Variants in SCHIP1 observed in about 807,000 individuals in gnomAD.
SCHIP1 encodes the protein schwannomin interacting protein 1.
In SCHIP1, 8 loss-of-function variants were observed where a neutral mutation model predicts 29.7. That is an observed-to-expected ratio of 0.27 (90% CI 0.16 to 0.49). The LOEUF (loss-of-function observed/expected upper bound fraction) is 0.49. Ranked by LOEUF, SCHIP1 falls within the 20% of genes least tolerant of loss-of-function variation. The probability of loss-of-function intolerance (pLI) is 0.99; values close to 1 mark genes in which losing one functional copy is unlikely to be tolerated. For missense variants in SCHIP1, 193 were observed against 294.6 expected (o/e 0.66, Z 2.52); for synonymous variants, 76 against 94.9 (o/e 0.80, Z 1.16).
the SCHIP1 span, among the ~76,000 whole-genome samples, chr3:159,555,631 T>C: frequency 6.6e-6 from 1 of 152,184 alleles, no homozygotes; most frequent in Non-Finnish European, 1.5e-5. Flanking sequence ...GGGAGTCAGG[T>C]ATGATTTTTT....
the SCHIP1 span, among the ~76,000 whole-genome samples, chr3:159,628,317 C>G: frequency 6.6e-6 from 1 of 152,250 alleles, no homozygotes; most frequent in Admixed American, 6.5e-5. Context: ...TCCTGTCTGA[C>G]AGAATATATT....
chr3:159,304,118 T>C, the SCHIP1 span, among the ~76,000 whole-genome samples: 1 of 151,612 alleles, frequency 6.6e-6, no homozygotes, highest in African/African-American at 2.4e-5. Context: ...CGGTGTTTGG[T>C]TTTTTGTTCT....
At chr3:159,789,394 C>T in the SCHIP1 span, among the ~76,000 whole-genome samples, 1 of 152,096 alleles carries the variant, frequency 6.6e-6, no homozygotes. Context: ...TTAATCACAT[C>T]GAAAGCACAC....
the SCHIP1 span, among the ~76,000 whole-genome samples, chr3:159,661,262 C>T: frequency 1.3e-5 from 2 of 152,144 alleles, no homozygotes; most frequent in Non-Finnish European, 2.9e-5. Flanking sequence ...TGTTTATTTA[C>T]ACCATGTAAC....
At chr3:159,627,005 T>C in the SCHIP1 span, among the ~76,000 whole-genome samples, 3 of 152,140 alleles carry the variant, frequency 2.0e-5, 1 homozygote, top group South Asian at 6.2e-4. Flanking sequence ...GTGCATTAGG[T>C]ATTTGTTCTA....
chr3:159,681,950 G>A, the SCHIP1 span, among the ~76,000 whole-genome samples: 15 of 151,994 alleles, frequency 9.9e-5, 1 homozygote, highest in Admixed American at 6.5e-4. Context: ...TTAACTCAAT[G>A]TTAACTTAGG....
the SCHIP1 span, among the ~76,000 whole-genome samples, chr3:159,612,856 G>A: frequency 3.3e-5 from 5 of 152,204 alleles, no homozygotes; most frequent in Non-Finnish European, 7.3e-5. Context: ...TCTTTCAGAT[G>A]AAGATGTTGA....
the SCHIP1 span, among the ~76,000 whole-genome samples, chr3:159,685,388 A>G: frequency 6.6e-6 from 1 of 152,226 alleles, no homozygotes; most frequent in Non-Finnish European, 1.5e-5. Flanking sequence ...GCTATTTAAA[A>G]AACAATTATG....
At chr3:159,803,578 G>A in the SCHIP1 span, among the ~76,000 whole-genome samples, 1 of 152,146 alleles carries the variant, frequency 6.6e-6, no homozygotes, top group Non-Finnish European at 1.5e-5. Context: ...CATGCACTAA[G>A]TCCAAACCTG....
At chr3:159,852,099 T>A (rs1712722833) in intron 1 of SCHIP1, among the ~76,000 whole-genome samples, 1 of 152,210 alleles carries the variant, frequency 6.6e-6, no homozygotes, top group Non-Finnish European at 1.5e-5. Flanking sequence ...ATTGAATTTT[T>A]AAAAAATGTG....
At chr3:159,518,919 T>C in the SCHIP1 span, among the ~76,000 whole-genome samples, 1 of 152,100 alleles carries the variant, frequency 6.6e-6, no homozygotes, top group Non-Finnish European at 1.5e-5. Context: ...GAGACCCAAA[T>C]AAAAATTAGG....
chr3:159,801,103 C>T, the SCHIP1 span, among the ~76,000 whole-genome samples: 2 of 152,010 alleles, frequency 1.3e-5, no homozygotes, highest in African/African-American at 4.8e-5. Flanking sequence ...GTCCTGGGTC[C>T]TTTAGTCTCT....
At chr3:159,791,055 G>A in the SCHIP1 span, among the ~76,000 whole-genome samples, 1 of 152,098 alleles carries the variant, frequency 6.6e-6, no homozygotes, top group African/African-American at 2.4e-5. Context: ...TGCCTGCCTT[G>A]GACTTCTTAT....
At chr3:159,737,498 TCTATATAATA>T in the SCHIP1 span, among the ~76,000 whole-genome samples, 1 of 152,198 alleles carries the variant, frequency 6.6e-6, no homozygotes, top group Non-Finnish European at 1.5e-5. Context: ...CTCTTGCCTT[TCTATATAATA>T]CCTCTTCCAT....
chr3:159,368,651 A>C, the SCHIP1 span, among the ~76,000 whole-genome samples: 1 of 152,166 alleles, frequency 6.6e-6, no homozygotes, highest in Non-Finnish European at 1.5e-5. Context: ...AGTAACATTA[A>C]AAACTATTTT....
At chr3:159,411,302 A>G in the SCHIP1 span, among the ~76,000 whole-genome samples, 32 of 152,140 alleles carry the variant, frequency 2.1e-4, no homozygotes, top group African/African-American at 7.7e-4. Flanking sequence ...TGTAACACAA[A>G]GAAAGGATAA....
At chr3:159,736,999 G>T in the SCHIP1 span, among the ~76,000 whole-genome samples, 4 of 152,186 alleles carry the variant, frequency 2.6e-5, no homozygotes, top group African/African-American at 9.6e-5. Context: ...CTCCCAAAGT[G>T]CTGGGATTAC....
At chr3:159,897,090 T>G (rs1718123269) in exon 7 of SCHIP1, 1 of 198,448 alleles carries the variant, frequency 5.0e-6, no homozygotes, top group Admixed American at 5.7e-5. Context: ...TGGAACAGTA[T>G]TTTCCCATTG....
chr3:159,658,261 T>C, the SCHIP1 span, among the ~76,000 whole-genome samples: 7 of 152,180 alleles, frequency 4.6e-5, no homozygotes, highest in African/African-American at 1.7e-4. Flanking sequence ...ATGTTTATGA[T>C]ATCCAGGTGA....
Sources: gnomAD v4.1 joint callset for allele counts (sites outside exome capture counted in the v4.1 genomes callset) on GRCh38, gnomAD v4.1.1 for gene constraint, MANE v1.5 for transcripts, NCBI Gene and HGNC (gene_info 2026-07-23, HGNC 2026-07-21) for gene names.